Variants in NIPAL2 observed in about 807,000 individuals in gnomAD.
NIPAL2 encodes the protein NIPA like domain containing 2.
In NIPAL2, 43 loss-of-function variants were observed where a neutral mutation model predicts 48.9. The ratio of observed to expected loss-of-function variants is 0.88; its 90% CI spans 0.69 to 1.13. NIPAL2 has a LOEUF of 1.13. Among genes scored for constraint, NIPAL2 ranks in the 50% most tolerant of loss-of-function variants. The probability of loss-of-function intolerance (pLI) is 0.00; values close to 1 mark genes in which losing one functional copy is unlikely to be tolerated. For synonymous variants in NIPAL2, 167 were observed against 174.6 expected (o/e 0.96, Z 0.34); for missense variants, 446 against 461.4 (o/e 0.97, Z 0.31).
rs151029082 is a variant in NIPAL2 at position 98,190,939 on chromosome 8, A to G, written c.*2039T>C. ...TTTAAAAAATCTTACAGGCCAGTAC[A>G]ACTAAAACTCCTATTTACCTTACTT... On this transcript the variant is annotated 3_prime_UTR_variant, in exon 11 of 11. Transcript: ENST00000430223. 1.8e-4 allele frequency: 27 copies of G among 152,346 alleles called. No individual in the cohort carries two copies. The highest frequency in any genetic ancestry group is 3.5e-4 in the Non-Finnish European group (24 of 68,042). The allele number at this position is 152,346 out of a possible 1,614,324, so 9.4% of individuals were successfully genotyped here.
chr8:98,244,635 T>C (rs11780117), intron 3 of NIPAL2, among the ~76,000 whole-genome samples: 5,065 of 120,122 alleles, frequency 0.042, 107 homozygotes, highest in Middle Eastern at 0.059. Flanking sequence ...TGGGGGGTGC[T>C]GGCCATGGTG....
chr8:98,236,949 T>C (rs1296723919), intron 3 of NIPAL2, among the ~76,000 whole-genome samples: 1 of 152,028 alleles, frequency 6.6e-6, no homozygotes, highest in Non-Finnish European at 1.5e-5. Context: ...TAATTCCTGT[T>C]CCGACAATTC....
chr8:98,241,343 G>C (rs1202493762), intron 3 of NIPAL2, among the ~76,000 whole-genome samples: 1 of 152,228 alleles, frequency 6.6e-6, no homozygotes, highest in African/African-American at 2.4e-5. Context: ...ATAATTTAGA[G>C]CCAGGTGCTC....
chr8:98,248,206 T>A (rs1196260696), intron 3 of NIPAL2, among the ~76,000 whole-genome samples: 3 of 152,252 alleles, frequency 2.0e-5, no homozygotes, highest in Admixed American at 6.5e-5. Flanking sequence ...GTGAGGATCC[T>A]ACTTTATTGC....
chr8:98,193,080 C>A lies in NIPAL2; in HGVS notation c.1050G>T (p.Met350Ile). The A allele has an allele frequency of 1.2e-6, 2 of 1,612,320 alleles. No homozygotes were observed. The highest frequency in any genetic ancestry group is 8.5e-7 in the Non-Finnish European group (1 of 1,178,418). ...GTGAATCTGGTTGTATTTTGTCCAA[C>A]ATTTGTTTCCCTGTGGAGATAATAA... ...IDFGNIPGKQMLDKIQPDSHS... is the reference protein window; with the variant it reads ...IDFGNIPGKQILDKIQPDSHS... Residue 350 changes from methionine to isoleucine, a missense_variant, in exon 11 of 11, where the codon ATG becomes ATT. Coordinates refer to ENST00000430223, the MANE Select transcript of NIPAL2 (RefSeq NM_001321635.2).
intron 2 of NIPAL2, 48 bp from the exon 3 acceptor site, chr8:98,252,682 G>A (rs984441084): frequency 1.3e-6 from 2 of 1,502,572 alleles, no homozygotes; most frequent in East Asian, 4.9e-5. Flanking sequence ...GAGCTATGAG[G>A]GGAATGCCAC....
intron 1 of NIPAL2, among the ~76,000 whole-genome samples, chr8:98,286,044 G>T (rs780795847): frequency 6.6e-6 from 1 of 152,160 alleles, no homozygotes; most frequent in East Asian, 1.9e-4. Flanking sequence ...TTCATGAGCG[G>T]ATTAATGTCT....
At chr8:98,209,660 CT>C (rs1247159104) in intron 6 of NIPAL2, among the ~76,000 whole-genome samples, 1 of 151,274 alleles carries the variant, frequency 6.6e-6, no homozygotes, top group Non-Finnish European at 1.5e-5. Context: ...ATGATTTGCT[CT>C]GTTTTATTTG....
intron 2 of NIPAL2, among the ~76,000 whole-genome samples, chr8:98,253,245 AGG>A (rs1813689973): frequency 6.6e-6 from 1 of 152,338 alleles, no homozygotes; most frequent in African/African-American, 2.4e-5. Context: ...TATACTGAAT[AGG>A]GTTCAGTATT....
At chr8:98,266,282 TAAA>T (rs35353680) in intron 1 of NIPAL2, among the ~76,000 whole-genome samples, 2 of 142,260 alleles carry the variant, frequency 1.4e-5, no homozygotes, top group Non-Finnish European at 3.0e-5. Flanking sequence ...TAAAGTATAA[TAAA>T]AAAAAAAAGA....
intron 3 of NIPAL2, among the ~76,000 whole-genome samples, chr8:98,243,572 T>C (rs1246401075): frequency 6.6e-6 from 1 of 152,238 alleles, no homozygotes; most frequent in Non-Finnish European, 1.5e-5. Context: ...GCTCTTATTA[T>C]GGAAGAGTTA....
At chr8:98,208,564 T>C (rs1811152249) in intron 6 of NIPAL2, among the ~76,000 whole-genome samples, 1 of 152,138 alleles carries the variant, frequency 6.6e-6, no homozygotes, top group Admixed American at 6.5e-5. Flanking sequence ...TTGTCCTGCC[T>C]CAGCCTCCTG....
At chr8:98,211,733 AGTGT>A (rs1156409051) in intron 6 of NIPAL2, among the ~76,000 whole-genome samples, 101 of 109,146 alleles carry the variant, frequency 9.3e-4, no homozygotes, top group African/African-American at 3.5e-3. Flanking sequence ...AGAGAGAGAA[AGTGT>A]GTGTGTGTGT....
chr8:98,197,493 T>G (rs1347652545), intron 8 of NIPAL2, among the ~76,000 whole-genome samples: 1 of 152,192 alleles, frequency 6.6e-6, no homozygotes, highest in African/African-American at 2.4e-5. Context: ...TAATGAAGTT[T>G]GCCACATCGA....
intron 3 of NIPAL2, among the ~76,000 whole-genome samples, chr8:98,250,056 C>G (rs1428260527): frequency 6.6e-6 from 1 of 152,028 alleles, no homozygotes; most frequent in Non-Finnish European, 1.5e-5. Context: ...ACTTAACACA[C>G]TTGGACTTAA....
rs77129344 is a variant in NIPAL2 at position 98,220,761 on chromosome 8, T to C, written c.558+1718A>G. Among the ~76,000 whole-genome samples the C allele has an allele frequency of 4.5e-4, 68 of 152,264 alleles. No individual in the cohort carries two copies. In the East Asian group the frequency reaches 0.012, roughly 26 times the overall value. On this transcript the variant is annotated intron_variant, in intron 5 of 10. Transcript: ENST00000430223. ...TTTACCAAACCGGTTCTTGGTTAAA[T>C]ACTCAGCTAGACTATCCCAGTTTTC...
At chr8:98,214,821 A>G (rs1554563552) in intron 5 of NIPAL2, among the ~76,000 whole-genome samples, 1 of 152,114 alleles carries the variant, frequency 6.6e-6, no homozygotes, top group Non-Finnish European at 1.5e-5. Context: ...AATTATTTTA[A>G]CTGTTTCTTA....
At chr8:98,274,284 T>C (rs1450894666) in intron 1 of NIPAL2, among the ~76,000 whole-genome samples, 4 of 151,988 alleles carry the variant, frequency 2.6e-5, no homozygotes, top group Non-Finnish European at 5.9e-5. Flanking sequence ...TATCTATCTA[T>C]CTATCCATCC....
At chr8:98,235,399 A>G (rs1003474222) in intron 4 of NIPAL2, among the ~76,000 whole-genome samples, 2 of 152,218 alleles carry the variant, frequency 1.3e-5, no homozygotes, top group African/African-American at 4.8e-5. Context: ...GGCTACTGTC[A>G]TTTTCCATTA....
Sources: gnomAD v4.1 joint callset for allele counts (sites outside exome capture counted in the v4.1 genomes callset) on GRCh38, gnomAD v4.1.1 for gene constraint, MANE v1.5 for transcripts, NCBI Gene and HGNC (gene_info 2026-07-23, HGNC 2026-07-21) for gene names.